The following TMEM201 variants were observed in gnomAD, a reference collection of about 807,000 sequenced individuals.
The protein encoded by TMEM201 is RP13-15M17.2.
Under a neutral mutation model 63.4 loss-of-function variants are expected in TMEM201, and 26 were observed. The observed-to-expected ratio is 0.41, with a 90% CI of 0.30 to 0.57. The LOEUF (loss-of-function observed/expected upper bound fraction) is 0.57. TMEM201 is among the 20% of genes least tolerant of loss of function. The pLI is 0.29. For synonymous variants in TMEM201, 417 were observed against 421.6 expected (o/e 0.99, Z 0.14); for missense variants, 794 against 917.7 (o/e 0.87, Z 1.74).
chr1:9,600,131 G>C (rs1644108893), intron 4 of TMEM201, among the ~76,000 whole-genome samples: 1 of 152,108 alleles, frequency 6.6e-6, no homozygotes, highest in African/African-American at 2.4e-5. Context: ...TCAGACCCAG[G>C]TCACATCTAG....
At chr1:9,597,548 A>C (rs559214610) in intron 3 of TMEM201, among the ~76,000 whole-genome samples, 52 of 152,322 alleles carry the variant, frequency 3.4e-4, no homozygotes, top group African/African-American at 1.0e-3. Context: ...GAGGCTTGGC[A>C]TTAAGGAGCT....
chr1:9,594,734 C>A (rs1472105462), intron 1 of TMEM201, among the ~76,000 whole-genome samples: 1 of 152,234 alleles, frequency 6.6e-6, no homozygotes, highest in Non-Finnish European at 1.5e-5. Flanking sequence ...TGGCTCTTTG[C>A]AGAGCACAGC....
chr1:9,609,075 C>G (rs1198817964), intron 7 of TMEM201, among the ~76,000 whole-genome samples: 1 of 152,224 alleles, frequency 6.6e-6, no homozygotes, highest in Non-Finnish European at 1.5e-5. Context: ...CTCTGCCACA[C>G]ACCTCATCCC....
chr1:9,595,989 G>A lies in TMEM201; in HGVS notation c.213G>A (p.Glu71=), dbSNP rs1006299139. The change falls in exon 2 of 11, where the codon GAG becomes GAA. Residue 71 remains glutamate, a synonymous_variant. Coordinates refer to ENST00000340381, the MANE Select transcript of TMEM201 (RefSeq NM_001130924.3). ...ACTGCTGGGACTGTCCCCACTGCGA[G>A]CAGTACAACGGCTTCCAGGAGGTGT... The part of the protein sequence containing the change: ...NRNCWDCPHC[E]QYNGFQENGD... 3 of 1,612,942 alleles carry A rather than the reference G, an allele frequency of 1.9e-6. No homozygotes were observed. In the African/African-American group the frequency reaches 4.0e-5, roughly 22 times the overall value.
At position 9,610,492 on chromosome 1, in the gene TMEM201, C is replaced by T. The variant is rs1231965207; in HGVS notation, c.1466-14C>T. ...AGGAGCCCACGTTCACATCATCTTC[C>T]TCCCTCCCTCCAGATTACTTCTCTC... On this transcript the variant is annotated splice_polypyrimidine_tract_variant and intron_variant, in intron 8 of 10. Transcript: ENST00000340381. The surrounding 1 kb of genome is among the most constrained non-coding windows in gnomAD (Gnocchi z 4.9). The T allele has an allele frequency of 2.7e-6, 4 of 1,504,444 alleles. No individual in the cohort carries two copies. The highest frequency in any genetic ancestry group is 3.6e-6 in the Non-Finnish European group (4 of 1,120,964). The allele number at this position is 1,504,444 out of a possible 1,614,324, so 93.2% of individuals were successfully genotyped here.
intron 4 of TMEM201, among the ~76,000 whole-genome samples, chr1:9,600,585 G>C (rs1177912601): frequency 6.6e-6 from 1 of 152,198 alleles, no homozygotes; most frequent in Non-Finnish European, 1.5e-5. Context: ...AGGGTAGGGA[G>C]GTGGCCCCAT....
chr1:9,607,782 T>C lies in TMEM201; in HGVS notation c.1386T>C (p.Thr462=), dbSNP rs1476772096. The C allele has an allele frequency of 6.4e-7, 1 of 1,551,338 alleles. No individual in the cohort carries two copies. Among genetic ancestry groups the C allele is most frequent in the Middle Eastern group, 1.7e-4 (1 of 5,992 alleles). ...ALSLGTIPSL[T]RADSGYLFSG... is the part of the protein sequence containing the mutation. ...CTCTGGGAACCATACCCTCTCTGAC[T>C]CGAGCAGGTAAGGGGTGCCCAGGCA... Residue 462 remains threonine, a synonymous_variant, in exon 7 of 11, where the codon ACT becomes ACC. Coordinates refer to ENST00000340381, the MANE Select transcript of TMEM201 (RefSeq NM_001130924.3). This position sits in a 1 kb window ranked among gnomAD's most constrained non-coding sequence, Gnocchi z 5.4.
rs772100998 is a variant in TMEM201 at position 9,597,061 on chromosome 1, C to T, written c.429+8C>T. 20 of 1,595,254 alleles carry T rather than the reference C, an allele frequency of 1.3e-5. No homozygotes were observed. In the Middle Eastern group the frequency reaches 5.0e-4, roughly 40 times the overall value. On this transcript the variant is annotated splice_region_variant and intron_variant, in intron 3 of 10. Transcript: ENST00000340381. Reference sequence around the variant, plus strand: ...TTCGCTCCCCGCGAGGAGGTGAGGCCGGGTTGGGAGGGCAGGGGTCCTGGC... The same window carrying T: ...TTCGCTCCCCGCGAGGAGGTGAGGCTGGGTTGGGAGGGCAGGGGTCCTGGC...
chr1:9,604,066 A>G lies in TMEM201; in HGVS notation c.1160+1794A>G. Reference sequence around the variant, plus strand: ...CCACCCCCCAGCCCACAAAGAGCCCATCTGAGAGAAGGACGTGGTGGAGCC... The same window carrying G: ...CCACCCCCCAGCCCACAAAGAGCCCGTCTGAGAGAAGGACGTGGTGGAGCC... On this transcript the variant is annotated intron_variant, in intron 6 of 10. Transcript: ENST00000340381. This position sits in a 1 kb window ranked among gnomAD's most constrained non-coding sequence, Gnocchi z 4.1. 1 of 985,428 alleles carries G rather than the reference A, an allele frequency of 1.0e-6. No homozygotes were observed. The highest frequency in any genetic ancestry group is 1.2e-6 in the Non-Finnish European group (1 of 829,942). 61.0% of individuals were successfully genotyped at this position (985,428 alleles called of 1,614,324 possible). A position where few individuals can be genotyped will look rare whatever the true frequency, so the allele number is the denominator to read the frequency against.
chr1:9,596,384 G>A (rs1020767750), intron 2 of TMEM201, among the ~76,000 whole-genome samples: 2 of 152,230 alleles, frequency 1.3e-5, no homozygotes. Flanking sequence ...AGTATTTTAA[G>A]CTTTGGAAGC....
chr1:9,598,334 C>G, intron 3 of TMEM201, 115 bp from the exon 4 acceptor site: 3 of 1,287,486 alleles, frequency 2.3e-6, no homozygotes, highest in Non-Finnish European at 3.3e-6. Flanking sequence ...GTTGACTTGC[C>G]CCCGGTCATC....
chr1:9,604,899 C>T lies in TMEM201; in HGVS notation c.1160+2627C>T, dbSNP rs2100506102. On this transcript the variant is annotated intron_variant, in intron 6 of 10. Transcript: ENST00000340381. The surrounding 1 kb of genome is among the most constrained non-coding windows in gnomAD (Gnocchi z 4.1). The stretch of plus-strand genomic sequence containing the variant: ...TAACCATCGCGCCTGGCCTAGATGT[C>T]GTGTTTTGGATGCTGTGTTTTCAAT... 2.0e-6 allele frequency: 2 copies of T among 985,910 alleles called. No homozygotes were observed. The highest frequency in any genetic ancestry group is 5.2e-4 in the Middle Eastern group (1 of 1,914). 61.1% of individuals were successfully genotyped at this position (985,910 alleles called of 1,614,324 possible).
At position 9,610,701 on chromosome 1, in the gene TMEM201, C is replaced by T. The variant is rs1456021784; in HGVS notation, c.1661C>T (p.Pro554Leu). The change falls in exon 9 of 11, where the codon CCC becomes CTC. Residue 554 changes from proline to leucine, a missense_variant. Pro to Leu is a moderately conservative substitution (Grantham distance 98). Coordinates refer to ENST00000340381, the MANE Select transcript of TMEM201 (RefSeq NM_001130924.3). The surrounding 1 kb of genome is among the most constrained non-coding windows in gnomAD (Gnocchi z 4.9). Reference sequence around the variant, plus strand: ...CCCCCTGGAGAGGCCCCCACCACGCCCAGCAGCTCCGATGAGCACTCGCCT... The same window carrying T: ...CCCCCTGGAGAGGCCCCCACCACGCTCAGCAGCTCCGATGAGCACTCGCCT... The part of the protein sequence containing the change: ...PSPPGEAPTT[P>L]SSSDEHSPHN... 1 of 1,550,436 alleles carries T rather than the reference C, an allele frequency of 6.4e-7. No individual in the cohort carries two copies. The highest frequency in any genetic ancestry group is 1.4e-5 in the African/African-American group (1 of 73,036).
intron 1 of TMEM201, among the ~76,000 whole-genome samples, chr1:9,593,277 C>T (rs1026022465): frequency 1.3e-5 from 2 of 152,206 alleles, no homozygotes; most frequent in Non-Finnish European, 2.9e-5. Context: ...ATGTGTCTGA[C>T]GCCGCCGTGC....
At chr1:9,598,390 A>G in intron 3 of TMEM201, 59 bp from the exon 4 acceptor site, 1 of 1,569,122 alleles carries the variant, frequency 6.4e-7, no homozygotes, top group South Asian at 1.2e-5. Context: ...TCTGACCTGT[A>G]AGATGGAGGC....
rs779550699 is a variant in TMEM201, at chr1:9,595,906, A to T, written c.130A>T (p.Thr44Ser). Reference protein sequence around the residue: ...RIARRMKPTHTMVNCWFCNQD... With the variant: ...RIARRMKPTHSMVNCWFCNQD... Reference sequence around the variant, plus strand: ...GGTCCACAGGATGAAGCCAACGCACACGATGGTCAACTGCTGGTTCTGCAA... The same window carrying T: ...GGTCCACAGGATGAAGCCAACGCACTCGATGGTCAACTGCTGGTTCTGCAA... The change falls in exon 2 of 11, where the codon ACG becomes TCG. Residue 44 changes from threonine (T) to serine (S), a missense_variant. By Grantham distance (58) the Thr-to-Ser change is moderately conservative (BLOSUM62 1). Coordinates refer to ENST00000340381, the MANE Select transcript of TMEM201 (RefSeq NM_001130924.3). The T allele has an allele frequency of 6.2e-7, 1 of 1,613,564 alleles. No individual in the cohort carries two copies. Among genetic ancestry groups the T allele is most frequent in the South Asian group, 1.1e-5 (1 of 91,090 alleles).
chr1:9,595,837 T>C (rs2100462197), intron 1 of TMEM201, 53 bp from the exon 2 acceptor site: 1 of 1,607,476 alleles, frequency 6.2e-7, no homozygotes. Context: ...GAGGTCCCTC[T>C]CCAGCAGGTG....
rs1448267597 is a variant in TMEM201, at chr1:9,603,559, T to G, written c.1160+1287T>G. On this transcript the variant is annotated intron_variant, in intron 6 of 10. Transcript: ENST00000340381. This position sits in a 1 kb window ranked among gnomAD's most constrained non-coding sequence, Gnocchi z 4.5. The stretch of plus-strand genomic sequence containing the variant: ...TCACCTTCCAGATGTGGCCAGGGTG[T>G]GCCAGCTCCTCTCTCCTGTGCGTTG... 1 of 985,352 alleles carries G rather than the reference T, an allele frequency of 1.0e-6. No individual in the cohort carries two copies. The highest frequency in any genetic ancestry group is 1.2e-6 in the Non-Finnish European group (1 of 830,004). The allele number at this position is 985,352 out of a possible 1,614,324, so 61.0% of individuals were successfully genotyped here. A position where few individuals can be genotyped will look rare whatever the true frequency, so the allele number is the denominator to read the frequency against.
rs999406449 is a variant in TMEM201 at position 9,614,198 on chromosome 1, A to T, written c.*1115A>T. On this transcript the variant is annotated 3_prime_UTR_variant, in exon 11 of 11. Transcript: ENST00000340381. ...TGCTGGTGCCAGTTGGGGAGGAATC[A>T]GCTGTCTCGGTGGATTCTGAGACTC... The T allele has an allele frequency of 4.0e-5, 6 of 149,700 alleles. No individual in the cohort carries two copies. Among genetic ancestry groups the T allele is most frequent in the African/African-American group, 1.5e-4 (6 of 40,496 alleles). 9.3% of individuals were successfully genotyped at this position (149,700 alleles called of 1,614,324 possible). A position where few individuals can be genotyped will look rare whatever the true frequency, so the allele number is the denominator to read the frequency against.
Sources: gnomAD v4.1 joint callset for allele counts (sites outside exome capture counted in the v4.1 genomes callset) on GRCh38, gnomAD v4.1.1 for gene constraint, Gnocchi (gnomAD v3.1) non-coding constraint, MANE v1.5 for transcripts, NCBI Gene and HGNC (gene_info 2026-07-23, HGNC 2026-07-21) for gene names.